Variants in SPPL2A observed in about 807,000 individuals in gnomAD.
SPPL2A encodes signal peptide peptidase like 2A, also known as signal peptide peptidase-like 2A.
Under a neutral mutation model 63.8 loss-of-function variants are expected in SPPL2A, and 51 were observed. The observed-to-expected ratio is 0.80, with a 90% CI of 0.64 to 1.01. The LOEUF is 1.01. Among genes scored for constraint, SPPL2A ranks in the 50% least tolerant of loss-of-function variants. SPPL2A has a pLI of 0.00. For missense variants in SPPL2A, 553 were observed against 622.7 expected (o/e 0.89, Z 1.19); for synonymous variants, 188 against 205.8 (o/e 0.91, Z 0.74).
intron 9 of SPPL2A, among the ~76,000 whole-genome samples, chr15:50,732,246 G>A (rs1253948198): frequency 6.6e-6 from 1 of 151,954 alleles, no homozygotes; most frequent in Non-Finnish European, 1.5e-5. Flanking sequence ...GTCGAGTGAT[G>A]GTTATACTAT....
At chr15:50,715,013 T>C (rs751918197) in intron 14 of SPPL2A, among the ~76,000 whole-genome samples, 6 of 152,002 alleles carry the variant, frequency 3.9e-5, no homozygotes, top group Non-Finnish European at 7.4e-5. Context: ...TTTTTTTGTT[T>C]AGACTGTGTC....
intron 11 of SPPL2A, chr15:50,725,865 G>A (rs1230119393): frequency 7.5e-6 from 2 of 267,518 alleles, no homozygotes; most frequent in Admixed American, 9.2e-5. Context: ...CAACACACAT[G>A]TAGGATTAAC....
intron 1 of SPPL2A, among the ~76,000 whole-genome samples, chr15:50,759,907 T>C (rs372627862): frequency 6.6e-6 from 1 of 152,116 alleles, no homozygotes; most frequent in Admixed American, 6.6e-5. Context: ...CAAAGGAGAT[T>C]ATAGGTGTTG....
chr15:50,718,669 C>A (rs1450595709), intron 14 of SPPL2A, among the ~76,000 whole-genome samples: 2 of 152,068 alleles, frequency 1.3e-5, no homozygotes, highest in Non-Finnish European at 2.9e-5. Context: ...AACCAAATCT[C>A]AAAGAAATGT....
Position 50,748,671 on chromosome 15 carries a change from T to G in SPPL2A, c.360+17A>C. ...ATCATGAACTCAAAATAAGATATGA[T>G]TGTTTTTATAACTTACTAGGACACT... On this transcript the variant is annotated intron_variant, in intron 3 of 14. Coordinates refer to ENST00000261854, the MANE Select transcript of SPPL2A (RefSeq NM_032802.4). 5 of 1,494,896 alleles carry G rather than the reference T, an allele frequency of 3.3e-6. No individual in the cohort carries two copies. Among genetic ancestry groups the G allele is most frequent in the Non-Finnish European group, 4.5e-6 (5 of 1,109,146 alleles). 92.6% of individuals were successfully genotyped at this position (1,494,896 alleles called of 1,614,324 possible).
chr15:50,713,624 C>T (rs12440841), intron 14 of SPPL2A, among the ~76,000 whole-genome samples: 46,054 of 151,736 alleles, frequency 0.3, 7,520 homozygotes, highest in East Asian at 0.57. Context: ...GCAAATGTCC[C>T]TTCCCATATT....
intron 14 of SPPL2A, among the ~76,000 whole-genome samples, chr15:50,712,682 T>TCCCCC (rs1418811529): frequency 2.5e-5 from 3 of 120,170 alleles, no homozygotes; most frequent in Non-Finnish European, 5.3e-5. Context: ...CCCCCCCCTT[T>TCCCCC]TTTTTTTTTT....
intron 1 of SPPL2A, among the ~76,000 whole-genome samples, chr15:50,763,829 C>A (rs181579347): frequency 2.0e-5 from 3 of 152,026 alleles, no homozygotes; most frequent in African/African-American, 7.2e-5. Flanking sequence ...ACCTGGGAGG[C>A]GGAGGTTGCA....
chr15:50,757,623 A>C (rs1041518839), intron 1 of SPPL2A, among the ~76,000 whole-genome samples: 6 of 152,212 alleles, frequency 3.9e-5, no homozygotes, highest in Non-Finnish European at 8.8e-5. Context: ...CAAGTTTACT[A>C]GCCCATACTG....
At chr15:50,759,233 T>C (rs1355756770) in intron 1 of SPPL2A, among the ~76,000 whole-genome samples, 1 of 152,100 alleles carries the variant, frequency 6.6e-6, no homozygotes, top group African/African-American at 2.4e-5. Flanking sequence ...CCTTTTCTTA[T>C]AAATAAAGTT....
chr15:50,765,617 C>T lies in SPPL2A; in HGVS notation c.-84G>A, dbSNP rs1450303556. ...GGCTCGGAGTCCCGCCGCTGCGCTG[C>T]CTCCGTGGCCGGACCGGACCGGACA... On this transcript the variant is annotated 5_prime_UTR_variant, in exon 1 of 15. Transcript: ENST00000261854. 3.4e-5 allele frequency: 34 copies of T among 987,916 alleles called. No individual in the cohort carries two copies. Among genetic ancestry groups the T allele is most frequent in the Non-Finnish European group, 4.3e-5 (32 of 740,094 alleles). 61.2% of individuals were successfully genotyped at this position (987,916 alleles called of 1,614,324 possible). A position where few individuals can be genotyped will look rare whatever the true frequency, so the allele number is the denominator to read the frequency against.
chr15:50,707,917 T>C, intron 14 of SPPL2A, 43 bp from the exon 15 acceptor site: 1 of 1,007,724 alleles, frequency 9.9e-7, no homozygotes, highest in Non-Finnish European at 1.6e-6. Context: ...AAATTTCAAC[T>C]TGCCCCCAAT....
At chr15:50,727,550 C>A (rs2062695799) in intron 10 of SPPL2A, among the ~76,000 whole-genome samples, 1 of 152,086 alleles carries the variant, frequency 6.6e-6, no homozygotes, top group Non-Finnish European at 1.5e-5. Context: ...TGACATCCTC[C>A]CATACATTTA....
intron 8 of SPPL2A, among the ~76,000 whole-genome samples, chr15:50,735,651 C>T (rs1338587122): frequency 6.6e-6 from 1 of 152,156 alleles, no homozygotes; most frequent in African/African-American, 2.4e-5. Flanking sequence ...CCTCCGCTCA[C>T]TGCAACCTCC....
chr15:50,715,329 G>A (rs1035711226), intron 14 of SPPL2A, among the ~76,000 whole-genome samples: 3 of 152,082 alleles, frequency 2.0e-5, no homozygotes, highest in African/African-American at 7.2e-5. Context: ...CCAGGGCAAA[G>A]CATTTGTTCA....
intron 1 of SPPL2A, among the ~76,000 whole-genome samples, chr15:50,762,733 T>C (rs2063022959): frequency 7.2e-6 from 1 of 138,826 alleles, no homozygotes; most frequent in Admixed American, 7.2e-5. Context: ...TTTTTTTCTT[T>C]TCTTTTTTTT....
At chr15:50,763,922 A>C (rs2063035418) in intron 1 of SPPL2A, among the ~76,000 whole-genome samples, 1 of 152,158 alleles carries the variant, frequency 6.6e-6, no homozygotes, top group African/African-American at 2.4e-5. Flanking sequence ...CAACAACAAA[A>C]AAAGGCCTAA....
At chr15:50,759,523 C>T (rs1285382507) in intron 1 of SPPL2A, among the ~76,000 whole-genome samples, 1 of 152,124 alleles carries the variant, frequency 6.6e-6, no homozygotes, top group Non-Finnish European at 1.5e-5. Flanking sequence ...GCAGGTGGAT[C>T]ACAAGGTCAG....
At chr15:50,720,815 G>C (rs1423335636) in intron 13 of SPPL2A, among the ~76,000 whole-genome samples, 1 of 151,748 alleles carries the variant, frequency 6.6e-6, no homozygotes, top group African/African-American at 2.4e-5. Context: ...CACCGCGCCC[G>C]GCCTGAACTT....
Sources: gnomAD v4.1 joint callset for allele counts (sites outside exome capture counted in the v4.1 genomes callset) on GRCh38, gnomAD v4.1.1 for gene constraint, MANE v1.5 for transcripts, NCBI Gene and HGNC (gene_info 2026-07-23, HGNC 2026-07-21) for gene names.